The following HDAC9 variants were observed in gnomAD, a reference collection of about 807,000 sequenced individuals.
HDAC9 encodes the protein histone deacetylase 9.
HDAC9 carries 41 observed loss-of-function variants against 139.4 expected under a neutral mutation model. The observed-to-expected ratio is 0.29, with a 90% CI of 0.23 to 0.38. The LOEUF is 0.38. Among genes scored for constraint, HDAC9 ranks in the 10% least tolerant of loss-of-function variants. The pLI is 1.00. For missense variants in HDAC9, 1,147 were observed against 1,297.0 expected (o/e 0.88, Z 1.78); for synonymous variants, 517 against 476.2 (o/e 1.09, Z -1.12).
intron 1 of HDAC9, among the ~76,000 whole-genome samples, chr7:18,136,644 T>C (rs1785441522): frequency 6.6e-6 from 1 of 152,172 alleles, no homozygotes; most frequent in Admixed American, 6.5e-5. Context: ...GAGGGCTCTG[T>C]TGTGTTCCAT....
intron 12 of HDAC9, among the ~76,000 whole-genome samples, chr7:18,675,276 G>A (rs1035320060): frequency 2.0e-5 from 3 of 151,956 alleles, no homozygotes; most frequent in South Asian, 2.1e-4. Context: ...TGCCTCGTAC[G>A]GTAATATTGA....
chr7:18,630,826 C>T (rs1017957021), intron 7 of HDAC9, among the ~76,000 whole-genome samples: 1 of 151,796 alleles, frequency 6.6e-6, no homozygotes, highest in Non-Finnish European at 1.5e-5. Flanking sequence ...TGGGGGTGGG[C>T]AGTTGAGGAG....
chr7:18,666,728 A>T, intron 12 of HDAC9: 7 of 1,287,080 alleles, frequency 5.4e-6, no homozygotes, highest in Non-Finnish European at 6.9e-6. Flanking sequence ...TACCTGTTAT[A>T]CTAAAATTAT....
At chr7:18,840,834 A>G (rs1319357961) in intron 21 of HDAC9, among the ~76,000 whole-genome samples, 3 of 152,146 alleles carry the variant, frequency 2.0e-5, no homozygotes, top group Non-Finnish European at 2.9e-5. Context: ...CTTAGTTCAC[A>G]GTCAAAGTGG....
At chr7:18,616,881 C>T (rs1838750006) in intron 6 of HDAC9, among the ~76,000 whole-genome samples, 2 of 152,108 alleles carry the variant, frequency 1.3e-5, no homozygotes, top group South Asian at 4.1e-4. Flanking sequence ...TTAGAGGTTA[C>T]ACCTAAAGAC....
chr7:18,959,890 G>C (rs1783408537), intron 24 of HDAC9, among the ~76,000 whole-genome samples: 1 of 152,222 alleles, frequency 6.6e-6, no homozygotes, highest in East Asian at 1.9e-4. Flanking sequence ...ATGAGGAATG[G>C]ACAGTGCCTG....
At chr7:18,202,268 T>C (rs1562742081) in intron 2 of HDAC9, among the ~76,000 whole-genome samples, 1 of 152,222 alleles carries the variant, frequency 6.6e-6, no homozygotes, top group Non-Finnish European at 1.5e-5. Context: ...ACTATTTCAT[T>C]TTGTTCCAGA....
At position 18,736,375 on chromosome 7, in the gene HDAC9, C is replaced by T. The variant is rs919301811; in HGVS notation, c.1909+8618C>T. On this transcript the variant is annotated intron_variant, in intron 13 of 25. Coordinates refer to ENST00000686413, the MANE Select transcript of HDAC9 (RefSeq NM_178425.4). ...AGTATGATACTGGCTGTGGGTTTGT[C>T]ATAAATAGCTCTTATTATTTTGAGA... Among the ~76,000 whole-genome samples the T allele has an allele frequency of 1.4e-4, 21 of 152,258 alleles. No homozygotes were observed. In the Middle Eastern group the frequency reaches 0.01, roughly 74 times the overall value.
rs1808470250 is a variant in HDAC9, at chr7:18,530,281, A to G, written c.22+33957A>G. On this transcript the variant is annotated intron_variant, in intron 2 of 25. Transcript: ENST00000686413. ...CTGTCTTAAAACAAAACAAAAAAGA[A>G]TGGAACAATTATAAAATAATGTATG... is the stretch of plus-strand genomic sequence containing the variant. 5.3e-5 allele frequency among the ~76,000 whole-genome samples: 8 copies of G among 152,272 alleles called. 1 individual carries two copies. The South Asian group carries it at 1.7e-3, about 32-fold the overall frequency.
chr7:18,561,510 G>GGTT (rs1342474668), intron 2 of HDAC9, among the ~76,000 whole-genome samples: 2 of 152,068 alleles, frequency 1.3e-5, no homozygotes, highest in Non-Finnish European at 2.9e-5. Flanking sequence ...CTATTCACAT[G>GGTT]GTTGTGCAAC....
intron 2 of HDAC9, among the ~76,000 whole-genome samples, chr7:18,541,773 T>C (rs1813050793): frequency 1.3e-5 from 2 of 152,174 alleles, no homozygotes; most frequent in South Asian, 4.1e-4. Flanking sequence ...TAATAATAAA[T>C]TTGATGGCAA....
chr7:18,637,652 C>T (rs1198277150), intron 8 of HDAC9, among the ~76,000 whole-genome samples: 1 of 152,086 alleles, frequency 6.6e-6, no homozygotes, highest in African/African-American at 2.4e-5. Context: ...TGACTTACCT[C>T]ATAATGAATT....
rs186780272 is a variant in HDAC9, at chr7:18,794,105, G to T, written c.2322+653G>T. 2.5e-3 allele frequency among the ~76,000 whole-genome samples: 383 copies of T among 152,238 alleles called. 1 individual carries two copies. The highest frequency in any genetic ancestry group is 8.8e-3 in the African/African-American group (367 of 41,534). ...CTGACAGACGTTGACATTTTATTTG[G>T]TATTTTAACAGTGCTATTTAAAGGT... On this transcript the variant is annotated intron_variant, in intron 17 of 25. Coordinates refer to ENST00000686413, the MANE Select transcript of HDAC9 (RefSeq NM_178425.4).
chr7:18,502,595 T>A (rs1337245928), intron 2 of HDAC9: 1 of 152,240 alleles, frequency 6.6e-6, no homozygotes, highest in African/African-American at 2.4e-5. Flanking sequence ...ACTATGGGTG[T>A]TGACTTTCTT....
At chr7:18,869,803 C>A (rs1166946401) in intron 21 of HDAC9, among the ~76,000 whole-genome samples, 1 of 151,820 alleles carries the variant, frequency 6.6e-6, no homozygotes, top group Admixed American at 6.6e-5. Context: ...GACACAGGCT[C>A]AATTGGATGG....
intron 24 of HDAC9, among the ~76,000 whole-genome samples, chr7:18,963,131 C>A (rs1353314777): frequency 6.6e-6 from 1 of 152,100 alleles, no homozygotes; most frequent in Non-Finnish European, 1.5e-5. Flanking sequence ...CATTAGTGGG[C>A]TTGCTAGAAT....
At chr7:18,882,738 T>G (rs1247527238) in intron 22 of HDAC9, among the ~76,000 whole-genome samples, 1 of 152,116 alleles carries the variant, frequency 6.6e-6, no homozygotes, top group Non-Finnish European at 1.5e-5. Flanking sequence ...AGTTTTGAAT[T>G]TTATTGTTCA....
At chr7:18,853,869 T>G in intron 21 of HDAC9, among the ~76,000 whole-genome samples, 1 of 152,214 alleles carries the variant, frequency 6.6e-6, no homozygotes, top group East Asian at 1.9e-4. Context: ...AGAAGTTACC[T>G]ATCTGATGAC....
rs974235380 is a variant in HDAC9 at position 18,999,866 on chromosome 7, C to G, written c.*3804C>G. 1.4e-5 allele frequency: 2 copies of G among 147,074 alleles called. No homozygotes were observed. The highest frequency in any genetic ancestry group is 2.5e-5 in the African/African-American group (1 of 40,560). 9.1% of individuals were successfully genotyped at this position (147,074 alleles called of 1,614,324 possible). On this transcript the variant is annotated 3_prime_UTR_variant, in exon 26 of 26. Transcript: ENST00000686413. ...AGAAGTATTAAAAGTCTTATGGCCC[C>G]AAAAGAAACAAGCCAAACTGTACTG...
Sources: allele counts gnomAD v4.1 joint callset (sites outside exome capture counted in the v4.1 genomes callset), GRCh38; gene constraint gnomAD v4.1.1; transcripts MANE v1.5; gene names NCBI Gene and HGNC (gene_info 2026-07-23, HGNC 2026-07-21).